DGKE: variants seen among roughly 807,000 people sequenced by gnomAD.
The protein encoded by DGKE is DAG kinase epsilon.
A neutral mutation model predicts 70.0 loss-of-function variants in DGKE; 53 were observed. The ratio of observed to expected loss-of-function variants is 0.76; its 90% CI spans 0.61 to 0.95. The LOEUF (loss-of-function observed/expected upper bound fraction) is 0.95. Among genes scored for constraint, DGKE ranks in the 40% least tolerant of loss-of-function variants. The pLI, the probability that DGKE is intolerant of heterozygous loss-of-function variation, is 0.00. For synonymous variants in DGKE, 291 were observed against 257.0 expected, an observed-to-expected ratio of 1.13 and a Z score of -1.27; for missense variants, 655 against 706.9, an observed-to-expected ratio of 0.93 and a Z score of 0.83.
intron 2 of DGKE, among the ~76,000 whole-genome samples, chr17:56,836,802 T>G (rs903887436): frequency 6.6e-6 from 1 of 152,234 alleles, no homozygotes; most frequent in African/African-American, 2.4e-5. Flanking sequence ...TGCATTAAAC[T>G]TTATGCACCA....
At chr17:56,841,554 C>T (rs1207628265) in intron 2 of DGKE, among the ~76,000 whole-genome samples, 2 of 152,022 alleles carry the variant, frequency 1.3e-5, no homozygotes, top group African/African-American at 4.8e-5. Context: ...AATAGGATAC[C>T]TTTTTCTATC....
At chr17:56,862,279 A>AT (rs1395638914) in intron 11 of DGKE, 28 bp downstream of exon 11, 1 of 1,574,566 alleles carries the variant, frequency 6.4e-7, no homozygotes, top group Non-Finnish European at 8.7e-7. Flanking sequence ...GTAACAGGCT[A>AT]ATTTGTCCCA....
chr17:56,854,194 T>G (rs1043477982), intron 7 of DGKE, among the ~76,000 whole-genome samples: 2 of 152,116 alleles, frequency 1.3e-5, no homozygotes, highest in African/African-American at 4.8e-5. Flanking sequence ...GGGGAGACAT[T>G]GGTTAATAGG....
At position 56,845,701 on chromosome 17, in the gene DGKE, G is replaced by A. The variant is rs1235779018; in HGVS notation, c.636G>A (p.Lys212=). The A allele has an allele frequency of 6.2e-7, 1 of 1,608,834 alleles. No individual in the cohort carries two copies. The highest frequency in any genetic ancestry group is 1.3e-5 in the African/African-American group (1 of 74,530). Residue 212 remains lysine (K), a synonymous_variant, in exon 4 of 12, where the codon AAG becomes AAA. Transcript: ENST00000284061. ...KKTDYEVLAS[K]LGKQWTPLII... ...GCAATTTTTTTTAGCTAGCCTCTAAGCTTGGAAAGCAGTGGACCCCATTAA... is the reference window on the plus strand; with the variant it reads ...GCAATTTTTTTTAGCTAGCCTCTAAACTTGGAAAGCAGTGGACCCCATTAA...
chr17:56,865,732 TAA>T lies in DGKE; in HGVS notation c.*2943_*2944del, dbSNP rs922750559. Reference sequence around the variant, plus strand: ...AAAATATACTGTGACTCAGAAATTGTAAAGTCAGTTTGCGTTGTAAAAATGAA... The same window carrying T: ...AAAATATACTGTGACTCAGAAATTGTAGTCAGTTTGCGTTGTAAAAATGAA... On this transcript the variant is annotated 3_prime_UTR_variant, in exon 12 of 12. Transcript: ENST00000284061. 3.9e-5 allele frequency: 6 copies of T among 152,164 alleles called. No homozygotes were observed. The highest frequency in any genetic ancestry group is 7.2e-5 in the African/African-American group (3 of 41,450). The allele number at this position is 152,164 out of a possible 1,614,324, so 9.4% of individuals were successfully genotyped here.
chr17:56,845,682 T>C lies in DGKE; in HGVS notation c.625-8T>C. On this transcript the variant is annotated splice_polypyrimidine_tract_variant and splice_region_variant and intron_variant, in intron 3 of 11. Transcript: ENST00000284061. ...CTAAACCTTTTCACTCATGGCAATT[T>C]TTTTTAGCTAGCCTCTAAGCTTGGA... 6.2e-7 allele frequency: 1 copy of C among 1,600,974 alleles called. No homozygotes were observed. Among genetic ancestry groups the C allele is most frequent in the East Asian group, 2.2e-5 (1 of 44,538 alleles).
intron 4 of DGKE, 128 bp from the exon 5 acceptor site, chr17:56,847,794 A>G: frequency 1.3e-5 from 7 of 533,150 alleles, no homozygotes; most frequent in Non-Finnish European, 2.0e-5. Flanking sequence ...GGTGCCTGGC[A>G]TATTGTTAAA....
rs1598054496 is a variant in DGKE, at chr17:56,865,968, A to T, written c.*3177A>T. 1 of 152,190 alleles carries T rather than the reference A, an allele frequency of 6.6e-6. No individual in the cohort carries two copies. Among genetic ancestry groups the T allele is most frequent in the Non-Finnish European group, 1.5e-5 (1 of 68,038 alleles). The allele number at this position is 152,190 out of a possible 1,614,324, so 9.4% of individuals were successfully genotyped here. A position where few individuals can be genotyped will look rare whatever the true frequency, so the allele number is the denominator to read the frequency against. On this transcript the variant is annotated 3_prime_UTR_variant, in exon 12 of 12. Coordinates refer to ENST00000284061, the MANE Select transcript of DGKE (RefSeq NM_003647.3). ...TTTTGTGTGGTTTTCCTTCAAAATG[A>T]TAATATTGAAGCAAGAACCAGCATT...
rs2271897 is a variant in DGKE at position 56,848,942 on chromosome 17, T to C, written c.1046+89T>C. ...AGACTTGTGTAGATGAAATGTGCCATGTAATTTAAATGTGAAAGACTATAC... is the reference window on the plus strand; with the variant it reads ...AGACTTGTGTAGATGAAATGTGCCACGTAATTTAAATGTGAAAGACTATAC... On this transcript the variant is annotated intron_variant, in intron 6 of 11. Transcript: ENST00000284061. 6.8e-4 allele frequency: 1,054 copies of C among 1,557,596 alleles called. 10 individuals are homozygous for C. In the East Asian group the frequency reaches 7.1e-3, roughly 10 times the overall value.
intron 2 of DGKE, among the ~76,000 whole-genome samples, chr17:56,839,042 A>G (rs1437454141): frequency 2.0e-5 from 3 of 152,218 alleles, no homozygotes; most frequent in Non-Finnish European, 4.4e-5. Flanking sequence ...TGTAGGTGGT[A>G]GGCATACCTG....
At chr17:56,836,742 G>A (rs536592406) in intron 2 of DGKE, among the ~76,000 whole-genome samples, 1 of 152,268 alleles carries the variant, frequency 6.6e-6, no homozygotes, top group African/African-American at 2.4e-5. Flanking sequence ...GGGTACATAA[G>A]GTCCTAGTAC....
Position 56,864,948 on chromosome 17 carries a change from T to G in DGKE, c.*2157T>G, listed in dbSNP as rs1908472425. 1 of 152,206 alleles carries G rather than the reference T, an allele frequency of 6.6e-6. No individual in the cohort carries two copies. The highest frequency in any genetic ancestry group is 6.5e-5 in the Admixed American group (1 of 15,284). 9.4% of individuals were successfully genotyped at this position (152,206 alleles called of 1,614,324 possible). A position where few individuals can be genotyped will look rare whatever the true frequency, so the allele number is the denominator to read the frequency against. On this transcript the variant is annotated 3_prime_UTR_variant, in exon 12 of 12. Transcript: ENST00000284061. ...AGTTGATTTTTTGGTTATTGTAATC[T>G]AGTAAGGTTTTTGCATCACTACTGG... is the stretch of plus-strand genomic sequence containing the variant.
chr17:56,851,059 T>G (rs2144251818), intron 7 of DGKE, among the ~76,000 whole-genome samples: 1 of 150,972 alleles, frequency 6.6e-6, no homozygotes, highest in African/African-American at 2.4e-5. Flanking sequence ...ACAGAGAGAG[T>G]AGATCTGTAT....
Position 56,861,711 on chromosome 17 carries a change from G to A in DGKE, c.1285-80G>A, listed in dbSNP as rs1908302116. On this transcript the variant is annotated intron_variant, in intron 9 of 11. Coordinates refer to ENST00000284061, the MANE Select transcript of DGKE (RefSeq NM_003647.3). ...ATCTCTCATATATAAGCACATTTAT[G>A]AAAATAGATGTGAATTCTAAATGGA... 43 of 1,572,972 alleles carry A rather than the reference G, an allele frequency of 2.7e-5. No individual in the cohort carries two copies. The South Asian group carries it at 4.5e-4, about 16-fold the overall frequency.
intron 5 of DGKE, 50 bp downstream of exon 5, chr17:56,848,115 T>A: frequency 2.6e-6 from 2 of 768,122 alleles, no homozygotes; most frequent in Non-Finnish European, 1.7e-6. Flanking sequence ...ATAAATATAC[T>A]ATACATATAT....
intron 9 of DGKE, among the ~76,000 whole-genome samples, chr17:56,860,459 G>T (rs1280575005): frequency 6.6e-6 from 1 of 152,190 alleles, no homozygotes; most frequent in Non-Finnish European, 1.5e-5. Context: ...AACCCAGCAG[G>T]CAGAGGCTAC....
At chr17:56,852,185 G>T (rs1396347633) in intron 7 of DGKE, among the ~76,000 whole-genome samples, 1 of 152,242 alleles carries the variant, frequency 6.6e-6, no homozygotes, top group African/African-American at 2.4e-5. Flanking sequence ...GGCTGAGGCA[G>T]GTGGATCACC....
rs80037124 is a variant in DGKE, at chr17:56,863,163, T to C, written c.*372T>C. The C allele has an allele frequency of 3.3e-3, 524 of 159,718 alleles. 33 individuals carry two copies. In the East Asian group the frequency reaches 0.084, roughly 26 times the overall value. 9.9% of individuals were successfully genotyped at this position (159,718 alleles called of 1,614,324 possible). ...ACACAATGGATGGACACATTATATC[T>C]CCAACAAGGTGTGGGTGGAAAGATC... On this transcript the variant is annotated 3_prime_UTR_variant, in exon 12 of 12. Transcript: ENST00000284061.
chr17:56,849,040 C>T (rs554314013), intron 6 of DGKE, 141 bp from the exon 7 acceptor site: 3 of 1,162,706 alleles, frequency 2.6e-6, no homozygotes, highest in South Asian at 3.1e-5. Context: ...ACACTGAGTA[C>T]TTATCCCTAA....
Sources: gnomAD v4.1 joint callset for allele counts (sites outside exome capture counted in the v4.1 genomes callset) on GRCh38, gnomAD v4.1.1 for gene constraint, MANE v1.5 for transcripts, NCBI Gene and HGNC (gene_info 2026-07-23, HGNC 2026-07-21) for gene names.